The following PLCL1 variants were observed in gnomAD, a reference collection of about 807,000 sequenced individuals.
The protein encoded by PLCL1 is phospholipase C like 1 (inactive).
A neutral mutation model predicts 84.4 loss-of-function variants in PLCL1; 41 were observed. The ratio of observed to expected loss-of-function variants is 0.49; its 90% CI spans 0.38 to 0.63. The LOEUF (loss-of-function observed/expected upper bound fraction) is 0.63. Among genes scored for constraint, PLCL1 ranks in the 30% least tolerant of loss-of-function variants. The pLI, the probability that PLCL1 is intolerant of heterozygous loss-of-function variation, is 0.00. For missense variants in PLCL1, 1,206 were observed against 1,367.8 expected, an observed-to-expected ratio of 0.88 and a Z score of 1.87; for synonymous variants, 490 against 488.3, an observed-to-expected ratio of 1.00 and a Z score of -0.05.
intron 1 of PLCL1, among the ~76,000 whole-genome samples, chr2:197,872,308 A>C (rs544283183): frequency 6.6e-6 from 1 of 152,156 alleles, no homozygotes; most frequent in Admixed American, 6.5e-5. Context: ...CCAATCACCT[A>C]TCCTATTAAT....
chr2:197,923,219 C>T (rs1251798840), intron 1 of PLCL1, among the ~76,000 whole-genome samples: 1 of 149,404 alleles, frequency 6.7e-6, no homozygotes, highest in African/African-American at 2.5e-5. Context: ...GACCCCCCAC[C>T]TCCCTCCCGG....
intron 3 of PLCL1, among the ~76,000 whole-genome samples, chr2:198,091,136 C>T (rs776221061): frequency 1.6e-4 from 24 of 152,126 alleles, no homozygotes; most frequent in Admixed American, 3.3e-4. Flanking sequence ...TATCCTTATA[C>T]CACATGGTAA....
chr2:197,818,693 T>A (rs1238752567), intron 1 of PLCL1, among the ~76,000 whole-genome samples: 9 of 152,086 alleles, frequency 5.9e-5, no homozygotes, highest in Admixed American at 5.2e-4. Flanking sequence ...AGTGTAAGAT[T>A]GGACTGGTAA....
In PLCL1 at chr2:197,878,852, T is replaced by C. The variant is rs969763932; in HGVS notation, c.240+73513T>C. Among the ~76,000 whole-genome samples, 4 of 152,326 alleles carry C rather than the reference T, an allele frequency of 2.6e-5. No homozygotes were observed. In the South Asian group the frequency reaches 8.3e-4, roughly 32 times the overall value. The stretch of plus-strand genomic sequence containing the variant: ...TTCTTTTTCCATAGTTTCCCTGAGC[T>C]CTCAAACTGGCAGCCAGCTGGCTGA... On this transcript the variant is annotated intron_variant, in intron 1 of 5. Coordinates refer to ENST00000428675, the MANE Select transcript of PLCL1 (RefSeq NM_006226.4).
At chr2:197,967,795 G>A (rs894034131) in intron 1 of PLCL1, among the ~76,000 whole-genome samples, 5 of 152,280 alleles carry the variant, frequency 3.3e-5, no homozygotes, top group African/African-American at 9.6e-5. Context: ...TCATGCATAT[G>A]AACTTTGAAT....
intron 1 of PLCL1, among the ~76,000 whole-genome samples, chr2:197,941,136 C>A (rs1689151190): frequency 6.6e-6 from 1 of 152,110 alleles, no homozygotes; most frequent in Non-Finnish European, 1.5e-5. Flanking sequence ...AGTTTAGATA[C>A]CTTGTTTAAA....
At chr2:198,103,239 C>A (rs1693386786) in intron 4 of PLCL1, among the ~76,000 whole-genome samples, 1 of 151,776 alleles carries the variant, frequency 6.6e-6, no homozygotes, top group African/African-American at 2.4e-5. Flanking sequence ...GTCCATGTAA[C>A]CTGTTGGAAT....
At chr2:197,994,175 C>T (rs901156002) in intron 1 of PLCL1, among the ~76,000 whole-genome samples, 6 of 152,162 alleles carry the variant, frequency 3.9e-5, no homozygotes, top group African/African-American at 1.4e-4. Context: ...ACTCATAGCA[C>T]ACCAGTAACT....
intron 1 of PLCL1, among the ~76,000 whole-genome samples, chr2:198,009,598 G>A (rs1008760364): frequency 6.6e-6 from 1 of 151,908 alleles, no homozygotes; most frequent in Admixed American, 6.6e-5. Flanking sequence ...TTTGCAGTAG[G>A]TTTTGAAATC....
At chr2:198,122,894 G>A (rs960839112) in intron 5 of PLCL1, among the ~76,000 whole-genome samples, 1 of 152,004 alleles carries the variant, frequency 6.6e-6, no homozygotes. Flanking sequence ...TGTGATATAT[G>A]TACACACTAT....
chr2:198,023,324 A>G (rs1691183862), intron 1 of PLCL1, among the ~76,000 whole-genome samples: 1 of 152,248 alleles, frequency 6.6e-6, no homozygotes, highest in African/African-American at 2.4e-5. Flanking sequence ...AATACCATTC[A>G]GGACATAAGC....
chr2:198,023,877 C>T (rs1022492644), intron 1 of PLCL1, among the ~76,000 whole-genome samples: 11 of 152,100 alleles, frequency 7.2e-5, no homozygotes, highest in South Asian at 2.1e-4. Flanking sequence ...TACCATTTGA[C>T]CCAGCAATCC....
chr2:198,049,566 ATTT>A lies in PLCL1; in HGVS notation c.241-34190_241-34188del, dbSNP rs1468457292. Among the ~76,000 whole-genome samples, 4 of 152,180 alleles carry A rather than the reference ATTT, an allele frequency of 2.6e-5. No homozygotes were observed. In the East Asian group the frequency reaches 7.7e-4, roughly 29 times the overall value. ...GATTTTCAATATAGCTTAACCATAA[ATTT>A]TCTTAAGGGGGTTAGGTGGTGCTGT... On this transcript the variant is annotated intron_variant, in intron 1 of 5. Transcript: ENST00000428675.
chr2:198,144,510 A>G (rs1283412106), intron 5 of PLCL1, among the ~76,000 whole-genome samples: 4 of 152,194 alleles, frequency 2.6e-5, no homozygotes, highest in African/African-American at 9.6e-5. Context: ...AGATAATGTT[A>G]ACCACTTTCT....
chr2:198,032,648 A>C (rs921747908), intron 1 of PLCL1, among the ~76,000 whole-genome samples: 4 of 152,124 alleles, frequency 2.6e-5, no homozygotes, highest in Admixed American at 1.3e-4. Flanking sequence ...CTAGAATCTT[A>C]TATCACAGGC....
intron 2 of PLCL1, among the ~76,000 whole-genome samples, chr2:198,087,659 A>G (rs1283191200): frequency 6.6e-6 from 1 of 151,794 alleles, no homozygotes; most frequent in East Asian, 1.9e-4. Context: ...ATAACTGTAC[A>G]TTTTAGAGTA....
intron 1 of PLCL1, among the ~76,000 whole-genome samples, chr2:198,075,733 A>G (rs1195077950): frequency 6.6e-6 from 1 of 152,194 alleles, no homozygotes; most frequent in African/African-American, 2.4e-5. Flanking sequence ...TTTATTTAGA[A>G]ACATTCTTTA....
chr2:197,962,619 A>G (rs1208721216), intron 1 of PLCL1, among the ~76,000 whole-genome samples: 1 of 151,982 alleles, frequency 6.6e-6, no homozygotes, highest in East Asian at 1.9e-4. Context: ...ACTTTTAGTT[A>G]TTATAAAATG....
chr2:198,042,147 C>T (rs2105860092), intron 1 of PLCL1, among the ~76,000 whole-genome samples: 1 of 152,286 alleles, frequency 6.6e-6, no homozygotes, highest in African/African-American at 2.4e-5. Context: ...ATGTTGGCAC[C>T]TCCTTTTCCT....
Sources: gnomAD v4.1 joint callset for allele counts (sites outside exome capture counted in the v4.1 genomes callset) on GRCh38, gnomAD v4.1.1 for gene constraint, MANE v1.5 for transcripts, NCBI Gene and HGNC (gene_info 2026-07-23, HGNC 2026-07-21) for gene names.